The following PDCD10 variants were observed in gnomAD, a reference collection of about 807,000 sequenced individuals.
The protein encoded by PDCD10 is programmed cell death 10.
PDCD10 carries 4 observed loss-of-function variants against 29.2 expected under a neutral mutation model. That is an observed-to-expected ratio of 0.14 (90% CI 0.07 to 0.31). The LOEUF (loss-of-function observed/expected upper bound fraction) is 0.31. Among genes scored for constraint, PDCD10 ranks in the 10% least tolerant of loss-of-function variants. The probability of loss-of-function intolerance (pLI) is 1.00; values close to 1 mark genes in which losing one functional copy is unlikely to be tolerated. For synonymous variants in PDCD10, 70 were observed against 82.2 expected (o/e 0.85, Z 0.80); for missense variants, 183 against 257.9 (o/e 0.71, Z 1.99).
chr3:167,713,789 T>C (rs887155380), intron 3 of PDCD10, among the ~76,000 whole-genome samples: 18 of 151,822 alleles, frequency 1.2e-4, no homozygotes, highest in Admixed American at 1.3e-4. Context: ...TGGCAATAAA[T>C]TGAAAAATCT....
intron 4 of PDCD10, chr3:167,698,114 T>C: frequency 5.3e-6 from 2 of 375,554 alleles, no homozygotes; most frequent in Non-Finnish European, 5.3e-6. Context: ...TACAGTTTTC[T>C]TCTCTTCCTA....
chr3:167,687,503 G>A (rs1001808798), intron 7 of PDCD10, 112 bp downstream of exon 7: 2 of 779,674 alleles, frequency 2.6e-6, no homozygotes, highest in Admixed American at 1.9e-5. Flanking sequence ...AAACTCAATG[G>A]TTAATGACAC....
Position 167,720,229 on chromosome 3 carries a change from C to A in PDCD10, c.-72G>T. The A allele has an allele frequency of 2.0e-6, 2 of 1,000,506 alleles. No homozygotes were observed. Among genetic ancestry groups the A allele is most frequent in the Non-Finnish European group, 3.2e-6 (2 of 627,084 alleles). 62.0% of individuals were successfully genotyped at this position (1,000,506 alleles called of 1,614,324 possible). A position where few individuals can be genotyped will look rare whatever the true frequency, so the allele number is the denominator to read the frequency against. On this transcript the variant is annotated 5_prime_UTR_variant, in exon 3 of 9. Transcript: ENST00000392750. ...ATCTTCATTCACTGCAATATTTCTTCTCTTTTTTGGTGATAAAAGAATTGG... is the reference window on the plus strand; with the variant it reads ...ATCTTCATTCACTGCAATATTTCTTATCTTTTTTGGTGATAAAAGAATTGG...
chr3:167,714,861 TCAAAG>T (rs1722860219), intron 3 of PDCD10, among the ~76,000 whole-genome samples: 1 of 151,826 alleles, frequency 6.6e-6, no homozygotes, highest in South Asian at 2.1e-4. Context: ...CCCACAGTAC[TCAAAG>T]CAATCTACAG....
At chr3:167,718,568 A>G (rs1418828186) in intron 3 of PDCD10, among the ~76,000 whole-genome samples, 1 of 152,004 alleles carries the variant, frequency 6.6e-6, no homozygotes, top group Non-Finnish European at 1.5e-5. Flanking sequence ...CTTTGTGGCT[A>G]GGTTTCGTCA....
intron 2 of PDCD10, among the ~76,000 whole-genome samples, chr3:167,729,902 TTTTCTTTTTCTTTTAACCCTATAGGCAA>T (rs1306667483): frequency 6.6e-6 from 1 of 152,164 alleles, no homozygotes; most frequent in Non-Finnish European, 1.5e-5. Flanking sequence ...AATAAAATTC[TTTTCTTTTTCTTTTAACCCTATAGGCAA>T]CCTGGATTCT....
chr3:167,732,335 C>A (rs557843775), intron 2 of PDCD10, among the ~76,000 whole-genome samples: 1 of 152,248 alleles, frequency 6.6e-6, no homozygotes, highest in Non-Finnish European at 1.5e-5. Flanking sequence ...GAGAAACAGA[C>A]AGATGTATAA....
chr3:167,720,342 C>A (rs1723446032), intron 2 of PDCD10, 69 bp from the exon 3 acceptor site: 1 of 567,152 alleles, frequency 1.8e-6, no homozygotes, highest in South Asian at 2.2e-5. Context: ...CAATAATTTT[C>A]CTTTCCAAAT....
In PDCD10 at chr3:167,687,326, CA is replaced by C. The variant is rs1396270491; in HGVS notation, c.475-11del. On this transcript the variant is annotated splice_polypyrimidine_tract_variant and intron_variant, in intron 7 of 8. Coordinates refer to ENST00000392750, the MANE Select transcript of PDCD10 (RefSeq NM_007217.4). Reference sequence around the variant, plus strand: ...TTTGGTGTTCAAGTGCCTACAGTCACAAAATATAATAAGAAATAAAGTACTA... The same window carrying C: ...TTTGGTGTTCAAGTGCCTACAGTCACAAATATAATAAGAAATAAAGTACTA... 2 of 1,474,098 alleles carry C rather than the reference CA, an allele frequency of 1.4e-6. No homozygotes were observed. The highest frequency in any genetic ancestry group is 1.9e-6 in the Non-Finnish European group (2 of 1,053,696). 91.3% of individuals were successfully genotyped at this position (1,474,098 alleles called of 1,614,324 possible).
At chr3:167,704,968 G>C in intron 3 of PDCD10, 73 bp from the exon 4 acceptor site, 1 of 872,326 alleles carries the variant, frequency 1.1e-6, no homozygotes, top group African/African-American at 1.7e-5. Context: ...ATTCCATTCT[G>C]TAGCAATCAC....
At chr3:167,692,936 C>CAAAA (rs2108393947) in intron 6 of PDCD10, among the ~76,000 whole-genome samples, 1 of 152,244 alleles carries the variant, frequency 6.6e-6, no homozygotes, top group Admixed American at 6.5e-5. Context: ...AACAAACAAA[C>CAAAA]AAAACAAACA....
At chr3:167,718,695 T>C (rs1006310979) in intron 3 of PDCD10, among the ~76,000 whole-genome samples, 6 of 151,312 alleles carry the variant, frequency 4.0e-5, no homozygotes, top group African/African-American at 4.9e-5. Context: ...TGCCCCACTT[T>C]TTCCCCTTCC....
In PDCD10 at chr3:167,695,690, G is replaced by C. The variant is rs1303470125; in HGVS notation, c.301C>G (p.Gln101Glu). 1.9e-6 allele frequency: 3 copies of C among 1,613,386 alleles called. No homozygotes were observed. The highest frequency in any genetic ancestry group is 8.5e-7 in the Non-Finnish European group (1 of 1,179,392). Reference protein sequence around the residue: ...YMIERPEPEFQDLNEKARALK... With the variant: ...YMIERPEPEFEDLNEKARALK... ...GCTCGTGCCTTTTCGTTTAGGTCTT[G>C]GAATTCTGGCTCTGGTCGTTCAATC... Residue 101 changes from glutamine (Q) to glutamate (E), a missense_variant, in exon 6 of 9, where the codon CAA becomes GAA. Coordinates refer to ENST00000392750, the MANE Select transcript of PDCD10 (RefSeq NM_007217.4).
chr3:167,700,507 G>T (rs1244186068), intron 4 of PDCD10, among the ~76,000 whole-genome samples: 4 of 151,770 alleles, frequency 2.6e-5, no homozygotes, highest in Non-Finnish European at 1.5e-5. Context: ...GGAAATTCAT[G>T]AAACAAAGCC....
chr3:167,688,338 A>G (rs1719859387), intron 6 of PDCD10, among the ~76,000 whole-genome samples: 1 of 152,148 alleles, frequency 6.6e-6, no homozygotes, highest in South Asian at 2.1e-4. Flanking sequence ...ATCAGTCACT[A>G]TTCCCTTTGG....
intron 3 of PDCD10, among the ~76,000 whole-genome samples, chr3:167,709,427 G>C (rs1261195449): frequency 5.3e-5 from 8 of 152,056 alleles, no homozygotes; most frequent in Admixed American, 5.2e-4. Context: ...TGTGCACTTG[G>C]GTGGAGAGAG....
At chr3:167,693,099 G>A (rs1720432897) in intron 6 of PDCD10, among the ~76,000 whole-genome samples, 1 of 152,070 alleles carries the variant, frequency 6.6e-6, no homozygotes, top group Admixed American at 6.5e-5. Flanking sequence ...ATTTTCTATG[G>A]GACATATTCC....
chr3:167,718,788 A>G (rs1398162635), intron 3 of PDCD10, among the ~76,000 whole-genome samples: 3 of 151,622 alleles, frequency 2.0e-5, no homozygotes, highest in Non-Finnish European at 4.4e-5. Context: ...ATGGAAGCCA[A>G]ACACTAGGAT....
intron 2 of PDCD10, among the ~76,000 whole-genome samples, chr3:167,730,460 T>G (rs1577381379): frequency 1.3e-5 from 2 of 152,198 alleles, no homozygotes; most frequent in Admixed American, 6.5e-5. Context: ...CTGGTTATGC[T>G]AGGTAAATAT....
Sources: allele counts gnomAD v4.1 joint callset (sites outside exome capture counted in the v4.1 genomes callset), GRCh38; gene constraint gnomAD v4.1.1; transcripts MANE v1.5; gene names NCBI Gene and HGNC (gene_info 2026-07-23, HGNC 2026-07-21).